Variants in ANKRD40 observed in about 807,000 individuals in gnomAD.
The protein encoded by ANKRD40 is ankyrin repeat domain-containing protein 40.
A neutral mutation model predicts 35.5 loss-of-function variants in ANKRD40; 24 were observed. The observed-to-expected ratio is 0.68, with a 90% CI of 0.49 to 0.95. The LOEUF is 0.95. Ranked by LOEUF, ANKRD40 falls within the 40% of genes least tolerant of loss-of-function variation. ANKRD40 has a pLI of 0.00. For missense variants in ANKRD40, 361 were observed against 436.0 expected (o/e 0.83, Z 1.53); for synonymous variants, 147 against 173.5 (o/e 0.85, Z 1.20).
At chr17:50,702,960 TTACTC>T (rs1173158421) in intron 1 of ANKRD40, among the ~76,000 whole-genome samples, 1 of 152,230 alleles carries the variant, frequency 6.6e-6, no homozygotes, top group African/African-American at 2.4e-5. Flanking sequence ...AATTGATAGA[TTACTC>T]TATCTTTGAA....
chr17:50,704,635 TA>T (rs1968309147), intron 1 of ANKRD40, among the ~76,000 whole-genome samples: 1 of 151,768 alleles, frequency 6.6e-6, no homozygotes, highest in Non-Finnish European at 1.5e-5. Flanking sequence ...TGGCATCAGA[TA>T]CCAGGTTTGT....
chr17:50,707,452 TC>T lies in ANKRD40; in HGVS notation c.134+68del. The T allele has an allele frequency of 6.4e-7, 1 of 1,557,466 alleles. No homozygotes were observed. Among genetic ancestry groups the T allele is most frequent in the Non-Finnish European group, 8.7e-7 (1 of 1,152,974 alleles). Reference sequence around the variant, plus strand: ...CCAGGCGTCCCGCGCTGGGCCCAGGTCGCGACTGACTGCCCCACGCCTTCCG... The same window carrying T: ...CCAGGCGTCCCGCGCTGGGCCCAGGTGCGACTGACTGCCCCACGCCTTCCG... On this transcript the variant is annotated intron_variant, in intron 1 of 4. Coordinates refer to ENST00000285243, the MANE Select transcript of ANKRD40 (RefSeq NM_052855.4). The surrounding 1 kb of genome is among the most constrained non-coding windows in gnomAD (Gnocchi z 4.8).
At chr17:50,706,385 G>C (rs1455532973) in intron 1 of ANKRD40, among the ~76,000 whole-genome samples, 1 of 151,994 alleles carries the variant, frequency 6.6e-6, no homozygotes, top group Non-Finnish European at 1.5e-5. Flanking sequence ...CTCCCAAAGT[G>C]CTACTCACTT....
chr17:50,698,895 T>G (rs1968231233), intron 3 of ANKRD40, among the ~76,000 whole-genome samples: 1 of 151,426 alleles, frequency 6.6e-6, no homozygotes, highest in Non-Finnish European at 1.5e-5. Context: ...ATCTCAGCAC[T>G]TTGGGAGGCT....
At chr17:50,697,235 A>C in intron 3 of ANKRD40, 114 bp from the exon 4 acceptor site, 1 of 1,031,648 alleles carries the variant, frequency 9.7e-7, no homozygotes. Flanking sequence ...TCTGTGCATG[A>C]TTAACAGACC....
chr17:50,703,080 C>T (rs1968288906), intron 1 of ANKRD40, among the ~76,000 whole-genome samples: 1 of 152,196 alleles, frequency 6.6e-6, no homozygotes, highest in African/African-American at 2.4e-5. Flanking sequence ...GGGCATCACT[C>T]ATTGGTGCTG....
Position 50,699,347 on chromosome 17 carries a change from C to G in ANKRD40, c.778+52G>C, listed in dbSNP as rs771835611. The stretch of plus-strand genomic sequence containing the variant: ...CAGAATACCTCATTAAATCCCACCC[C>G]TCTGGACACCAACTCCCCTGTTGCA... On this transcript the variant is annotated intron_variant, in intron 3 of 4. Coordinates refer to ENST00000285243, the MANE Select transcript of ANKRD40 (RefSeq NM_052855.4). 5 of 1,589,060 alleles carry G rather than the reference C, an allele frequency of 3.1e-6. 1 individual carries two copies.
intron 3 of ANKRD40, among the ~76,000 whole-genome samples, chr17:50,698,416 T>A (rs1022040264): frequency 2.0e-5 from 3 of 152,048 alleles, no homozygotes; most frequent in African/African-American, 7.2e-5. Flanking sequence ...GAGTCAATAC[T>A]GATATGAATG....
At chr17:50,702,819 CTG>C (rs1027265927) in intron 1 of ANKRD40, among the ~76,000 whole-genome samples, 1 of 152,190 alleles carries the variant, frequency 6.6e-6, no homozygotes, top group African/African-American at 2.4e-5. Flanking sequence ...CCGTCCAGAG[CTG>C]TGCGGCTCTG....
In ANKRD40 at chr17:50,699,908, A is replaced by G; in HGVS notation, c.284-15T>C. On this transcript the variant is annotated splice_polypyrimidine_tract_variant and intron_variant, in intron 2 of 4. Coordinates refer to ENST00000285243, the MANE Select transcript of ANKRD40 (RefSeq NM_052855.4). ...TTCTTCTTCCACTTAAAAAGAAGAA[A>G]ACAGAACATTTACACAGTCCTTTCA... The G allele has an allele frequency of 6.7e-7, 1 of 1,496,380 alleles. No homozygotes were observed. Among genetic ancestry groups the G allele is most frequent in the Non-Finnish European group, 8.9e-7 (1 of 1,124,314 alleles). The allele number at this position is 1,496,380 out of a possible 1,614,324, so 92.7% of individuals were successfully genotyped here.
At position 50,695,862 on chromosome 17, in the gene ANKRD40, A is replaced by C; in HGVS notation, c.*135T>G. 2.8e-6 allele frequency: 3 copies of C among 1,053,884 alleles called. No individual in the cohort carries two copies. Among genetic ancestry groups the C allele is most frequent in the Non-Finnish European group, 1.3e-6 (1 of 748,098 alleles). 65.3% of individuals were successfully genotyped at this position (1,053,884 alleles called of 1,614,324 possible). On this transcript the variant is annotated 3_prime_UTR_variant, in exon 5 of 5. Transcript: ENST00000285243. ...GGTCAGGGGCTTCCTACCTTGGCAG[A>C]ATGATGTTAGTATATACTATGCAGT...
rs1457053844 is a variant in ANKRD40, at chr17:50,695,843, G to A, written c.*154C>T. ...AGTGGCACCACTGCTTGGGGGTCAG[G>A]GGCTTCCTACCTTGGCAGAATGATG... On this transcript the variant is annotated 3_prime_UTR_variant, in exon 5 of 5. Coordinates refer to ENST00000285243, the MANE Select transcript of ANKRD40 (RefSeq NM_052855.4). 1.8e-5 allele frequency: 15 copies of A among 839,918 alleles called. 1 individual carries two copies. The highest frequency in any genetic ancestry group is 2.6e-5 in the Non-Finnish European group (15 of 566,948). 52.0% of individuals were successfully genotyped at this position (839,918 alleles called of 1,614,324 possible).
chr17:50,696,601 T>C (rs1439072197), intron 4 of ANKRD40: 2 of 235,838 alleles, frequency 8.5e-6, no homozygotes, highest in Non-Finnish European at 1.6e-5. Flanking sequence ...GAATGATAAT[T>C]CAGAAACTTC....
chr17:50,694,390 ATCT>A lies in ANKRD40; in HGVS notation c.*1604_*1606del, dbSNP rs1390148614. The A allele has an allele frequency of 1.3e-5, 2 of 152,210 alleles. No homozygotes were observed. Among genetic ancestry groups the A allele is most frequent in the African/African-American group, 2.4e-5 (1 of 41,462 alleles). 9.4% of individuals were successfully genotyped at this position (152,210 alleles called of 1,614,324 possible). ...TAGCACAACATTCTCTTCTGTTGAC[ATCT>A]TCTGCACGTTCTCACTCAACTGTAG... On this transcript the variant is annotated 3_prime_UTR_variant, in exon 5 of 5. Transcript: ENST00000285243.
At chr17:50,700,449 A>G in intron 2 of ANKRD40, 119 bp downstream of exon 2, 2 of 1,065,298 alleles carry the variant, frequency 1.9e-6, no homozygotes, top group South Asian at 2.0e-5. Context: ...GTCTCGGAAA[A>G]AAAAAAAAAA....
At chr17:50,705,523 T>A (rs186307415) in intron 1 of ANKRD40, among the ~76,000 whole-genome samples, 68 of 151,320 alleles carry the variant, frequency 4.5e-4, no homozygotes, top group Middle Eastern at 3.4e-3. Context: ...TAGAAAAAAA[T>A]TTTTTTTTGA....
intron 1 of ANKRD40, among the ~76,000 whole-genome samples, chr17:50,704,496 C>T (rs1334533559): frequency 9.8e-6 from 1 of 102,104 alleles, no homozygotes; most frequent in Non-Finnish European, 1.8e-5. Context: ...GCCTGGGTGA[C>T]AAGAGTGAAA....
At chr17:50,696,785 T>A in intron 4 of ANKRD40, 155 bp downstream of exon 4, 6 of 638,306 alleles carry the variant, frequency 9.4e-6, no homozygotes, top group Non-Finnish European at 1.5e-5. Flanking sequence ...AGTGTCCCTA[T>A]AGACTCAGTA....
intron 3 of ANKRD40, 73 bp from the exon 4 acceptor site, chr17:50,697,194 A>G: frequency 2.2e-6 from 3 of 1,385,668 alleles, no homozygotes; most frequent in Non-Finnish European, 2.0e-6. Flanking sequence ...GATCTTTTCC[A>G]GAAGATGGTT....
Sources: allele counts gnomAD v4.1 joint callset (sites outside exome capture counted in the v4.1 genomes callset), GRCh38; gene constraint gnomAD v4.1.1; non-coding constraint Gnocchi (gnomAD v3.1); transcripts MANE v1.5; gene names NCBI Gene and HGNC (gene_info 2026-07-23, HGNC 2026-07-21).